EEF1AKMT3: variants seen among roughly 807,000 people sequenced by gnomAD.
EEF1AKMT3 encodes eEF1A-KMT3.
In EEF1AKMT3, 17 loss-of-function variants were observed where a neutral mutation model predicts 17.8. That is an observed-to-expected ratio of 0.96 (90% confidence interval 0.65 to 1.43). The LOEUF is 1.43. Ranked by LOEUF, EEF1AKMT3 falls within the 40% of genes most tolerant of loss-of-function variation. The pLI is 0.00. For synonymous variants in EEF1AKMT3, 116 were observed against 126.5 expected (o/e 0.92, Z 0.56); for missense variants, 244 against 285.8 (o/e 0.85, Z 1.06).
At position 57,772,961 on chromosome 12, in the gene EEF1AKMT3, T is replaced by A; in HGVS notation, c.178-56T>A. 6.2e-7 allele frequency: 1 copy of A among 1,613,114 alleles called. No individual in the cohort carries two copies. Among genetic ancestry groups the A allele is most frequent in the Non-Finnish European group, 8.5e-7 (1 of 1,179,142 alleles). On this transcript the variant is annotated intron_variant, in intron 1 of 2. Transcript: ENST00000300209. This position sits in a 1 kb window ranked among gnomAD's most constrained non-coding sequence, Gnocchi z 4.1. The stretch of plus-strand genomic sequence containing the variant: ...GGAGGTCCAGATCCCGGACTCCGCC[T>A]CTCCCATATGGAGCCATCCTCACGA...
In EEF1AKMT3 at chr12:57,780,537, T is replaced by C. The variant is rs1595131552; in HGVS notation, c.572T>C (p.Phe191Ser). The change falls in exon 3 of 3, where the codon TTC (phenylalanine) becomes TCC (serine). Residue 191 changes from phenylalanine to serine, a missense_variant. Coordinates refer to ENST00000300209, the MANE Select transcript of EEF1AKMT3 (RefSeq NM_015433.3). ...KMRKEHGTESFFQHLLPQHFQ... is the reference protein window; with the variant it reads ...KMRKEHGTESSFQHLLPQHFQ... ...AGAAAGGAGCATGGGACAGAGAGCT[T>C]CTTTCAGCACCTCCTGCCCCAGCAT... 6.2e-7 allele frequency: 1 copy of C among 1,614,096 alleles called. No individual in the cohort carries two copies. The highest frequency in any genetic ancestry group is 8.5e-7 in the Non-Finnish European group (1 of 1,180,014).
At chr12:57,773,491 T>C (rs1035024240) in intron 2 of EEF1AKMT3, among the ~76,000 whole-genome samples, 18 of 152,082 alleles carry the variant, frequency 1.2e-4, no homozygotes, top group Non-Finnish European at 2.1e-4. Context: ...CAGTGGCTGC[T>C]ATCCCCACTA....
chr12:57,780,419 A>G lies in EEF1AKMT3; in HGVS notation c.454A>G (p.Ile152Val). ...ANYDLVLGAD[I>V]VYLEPTFPLL... ...CTATGACCTGGTGCTGGGGGCTGAT[A>G]TCGTGTACCTGGAACCCACCTTCCC... The change falls in exon 3 of 3, where the codon ATC (isoleucine) becomes GTC (valine). Residue 152 changes from isoleucine to valine, a missense_variant. Physicochemically the swap from Ile to Val is conservative, Grantham distance 29 (BLOSUM62 3). Coordinates refer to ENST00000300209, the MANE Select transcript of EEF1AKMT3 (RefSeq NM_015433.3). 3 of 1,614,122 alleles carry G rather than the reference A, an allele frequency of 1.9e-6. No individual in the cohort carries two copies. Among genetic ancestry groups the G allele is most frequent in the Non-Finnish European group, 2.5e-6 (3 of 1,180,020 alleles).
At chr12:57,779,026 A>C (rs1778759874) in intron 2 of EEF1AKMT3, among the ~76,000 whole-genome samples, 1 of 152,010 alleles carries the variant, frequency 6.6e-6, no homozygotes, top group Non-Finnish European at 1.5e-5. Context: ...CACCCAGCTA[A>C]TTTTTTTGTA....
intron 2 of EEF1AKMT3, among the ~76,000 whole-genome samples, chr12:57,779,338 T>C (rs918496493): frequency 6.6e-6 from 1 of 152,154 alleles, no homozygotes; most frequent in Non-Finnish European, 1.5e-5. Context: ...TGTTTGTTGT[T>C]ATCATCTGTT....
chr12:57,775,668 A>T (rs149104254), intron 2 of EEF1AKMT3, among the ~76,000 whole-genome samples: 1 of 152,180 alleles, frequency 6.6e-6, no homozygotes, highest in African/African-American at 2.4e-5. Flanking sequence ...TCTTTTCAGC[A>T]TCTCTAGTTC....
rs1483314340 is a variant in EEF1AKMT3 at position 57,774,015 on chromosome 12, TTC to T, written c.289+891_289+892del. Reference sequence around the variant, plus strand: ...AAGGAAAAGGTAAGGAAAAATTTGCTTCTCTTTTGTCAAGAAGCAAAAACTAC... The same window carrying T: ...AAGGAAAAGGTAAGGAAAAATTTGCTTCTTTTGTCAAGAAGCAAAAACTAC... On this transcript the variant is annotated intron_variant, in intron 2 of 2. Coordinates refer to ENST00000300209, the MANE Select transcript of EEF1AKMT3 (RefSeq NM_015433.3). 2.0e-5 allele frequency among the ~76,000 whole-genome samples: 3 copies of T among 152,202 alleles called. No homozygotes were observed. The East Asian group carries it at 5.8e-4, about 29-fold the overall frequency.
intron 2 of EEF1AKMT3, among the ~76,000 whole-genome samples, chr12:57,779,359 G>A (rs928032349): frequency 6.6e-6 from 1 of 151,966 alleles, no homozygotes; most frequent in African/African-American, 2.4e-5. Flanking sequence ...TCTTGCCACT[G>A]GACCATAAGC....
At position 57,773,011 on chromosome 12, in the gene EEF1AKMT3, C is replaced by T. The variant is rs1324314479; in HGVS notation, c.178-6C>T. Reference sequence around the variant, plus strand: ...ACTGTCTTTTTCTCTGTCTTTTCTCCCGTAGGCCCTGAGCCTGTGCAATTA... The same window carrying T: ...ACTGTCTTTTTCTCTGTCTTTTCTCTCGTAGGCCCTGAGCCTGTGCAATTA... On this transcript the variant is annotated splice_region_variant and splice_polypyrimidine_tract_variant and intron_variant, in intron 1 of 2. Coordinates refer to ENST00000300209, the MANE Select transcript of EEF1AKMT3 (RefSeq NM_015433.3). The T allele has an allele frequency of 6.2e-7, 1 of 1,614,206 alleles. No individual in the cohort carries two copies. Among genetic ancestry groups the T allele is most frequent in the East Asian group, 2.2e-5 (1 of 44,882 alleles).
At chr12:57,777,489 A>T (rs999147353) in intron 2 of EEF1AKMT3, among the ~76,000 whole-genome samples, 10 of 152,180 alleles carry the variant, frequency 6.6e-5, no homozygotes, top group African/African-American at 2.4e-4. Context: ...TACCTTTGAT[A>T]ACTTTGCATT....
At chr12:57,775,929 AT>A (rs1334103802) in intron 2 of EEF1AKMT3, among the ~76,000 whole-genome samples, 2 of 152,204 alleles carry the variant, frequency 1.3e-5, no homozygotes, top group Non-Finnish European at 2.9e-5. Flanking sequence ...AAATCTTCTC[AT>A]GTTTTTCCAT....
chr12:57,778,221 C>T (rs1037314715), intron 2 of EEF1AKMT3, among the ~76,000 whole-genome samples: 7 of 149,778 alleles, frequency 4.7e-5, no homozygotes, highest in Non-Finnish European at 8.9e-5. Context: ...CCTCCTGCAA[C>T]CTTTCTCATC....
Position 57,780,764 on chromosome 12 carries a change from T to C in EEF1AKMT3, c.*118T>C. The C allele has an allele frequency of 7.4e-7, 1 of 1,356,306 alleles. No homozygotes were observed. The highest frequency in any genetic ancestry group is 1.4e-5 in the South Asian group (1 of 73,824). The allele number at this position is 1,356,306 out of a possible 1,614,324, so 84.0% of individuals were successfully genotyped here. ...AAAAAGGATGGATTTCCCTGGCCTC[T>C]CTCACTTTCCTCCTTCCCTCTTTGT... On this transcript the variant is annotated 3_prime_UTR_variant, in exon 3 of 3. Coordinates refer to ENST00000300209, the MANE Select transcript of EEF1AKMT3 (RefSeq NM_015433.3).
chr12:57,774,282 A>G (rs7316109), intron 2 of EEF1AKMT3, among the ~76,000 whole-genome samples: 3,263 of 152,290 alleles, frequency 0.021, 123 homozygotes, highest in African/African-American at 0.075. Context: ...GGAGTTTGAG[A>G]CCAGCCTGAC....
At chr12:57,780,171 G>C in intron 2 of EEF1AKMT3, 84 bp from the exon 3 acceptor site, 7 of 1,534,340 alleles carry the variant, frequency 4.6e-6, no homozygotes, top group Non-Finnish European at 6.2e-6. Context: ...TCTATGCTCT[G>C]AGGTCTCTGG....
rs139580355 is a variant in EEF1AKMT3 at position 57,773,393 on chromosome 12, G to T, written c.289+265G>T. 1.1e-4 allele frequency among the ~76,000 whole-genome samples: 16 copies of T among 151,466 alleles called. No individual in the cohort carries two copies. In the East Asian group the frequency reaches 3.2e-3, roughly 30 times the overall value. On this transcript the variant is annotated intron_variant, in intron 2 of 2. Transcript: ENST00000300209. Reference sequence around the variant, plus strand: ...AACTCAGGCAGGCCTATAAGAAGGAGTTGTTTCTATCGTGTTGCTTTTTTT... The same window carrying T: ...AACTCAGGCAGGCCTATAAGAAGGATTTGTTTCTATCGTGTTGCTTTTTTT...
At chr12:57,778,566 T>C (rs781261897) in intron 2 of EEF1AKMT3, among the ~76,000 whole-genome samples, 7 of 152,066 alleles carry the variant, frequency 4.6e-5, no homozygotes, top group Non-Finnish European at 1.0e-4. Context: ...TCCCAAAGTG[T>C]AATCCAAAGG....
rs1173346760 is a variant in EEF1AKMT3 at position 57,781,052 on chromosome 12, T to C, written c.*406T>C. 1 of 197,408 alleles carries C rather than the reference T, an allele frequency of 5.1e-6. No individual in the cohort carries two copies. The highest frequency in any genetic ancestry group is 1.0e-5 in the Non-Finnish European group (1 of 98,174). The allele number at this position is 197,408 out of a possible 1,614,324, so 12.2% of individuals were successfully genotyped here. On this transcript the variant is annotated 3_prime_UTR_variant, in exon 3 of 3. Coordinates refer to ENST00000300209, the MANE Select transcript of EEF1AKMT3 (RefSeq NM_015433.3). ...GACTTTAAAAAAATTCTGTGGGATTTTTTTTTCTTTTTTTCTTTTTTTTTG... is the reference window on the plus strand; with the variant it reads ...GACTTTAAAAAAATTCTGTGGGATTCTTTTTTCTTTTTTTCTTTTTTTTTG...
At position 57,780,574 on chromosome 12, in the gene EEF1AKMT3, G is replaced by T. The variant is rs1258860620; in HGVS notation, c.609G>T (p.Glu203Asp). The change falls in exon 3 of 3, where the codon GAG (glutamate) becomes GAT (aspartate). Residue 203 changes from glutamate to aspartate, a missense_variant. By Grantham distance (45) the Glu-to-Asp change is conservative (BLOSUM62 2). Transcript: ENST00000300209. ...TCCTGCCCCAGCATTTCCAACTGGA[G>T]CTGGCTCAGCGGGATGAGGATGAAA... Reference protein sequence around the residue: ...QHLLPQHFQLELAQRDEDENV... With the variant: ...QHLLPQHFQLDLAQRDEDENV... The T allele has an allele frequency of 1.2e-6, 2 of 1,613,836 alleles. No homozygotes were observed. Among genetic ancestry groups the T allele is most frequent in the Non-Finnish European group, 1.7e-6 (2 of 1,180,038 alleles).
Sources: allele counts gnomAD v4.1 joint callset (sites outside exome capture counted in the v4.1 genomes callset), GRCh38; gene constraint gnomAD v4.1.1; non-coding constraint Gnocchi (gnomAD v3.1); transcripts MANE v1.5; gene names NCBI Gene and HGNC (gene_info 2026-07-23, HGNC 2026-07-21).